PHF10: variants seen among roughly 807,000 people sequenced by gnomAD.
The protein encoded by PHF10 is PHD finger protein 10.
Under a neutral mutation model 68.5 loss-of-function variants are expected in PHF10, and 51 were observed. The ratio of observed to expected loss-of-function variants is 0.74; its 90% confidence interval spans 0.59 to 0.94. PHF10 has a LOEUF of 0.94. Among genes scored for constraint, PHF10 ranks in the 40% least tolerant of loss-of-function variants. PHF10 has a pLI of 0.00. For missense variants in PHF10, 460 were observed against 602.6 expected (o/e 0.76, Z 2.48); for synonymous variants, 204 against 203.5 (o/e 1.00, Z -0.02).
At chr6:169,713,815 T>TA (rs1356941013) in intron 7 of PHF10, among the ~76,000 whole-genome samples, 7 of 152,226 alleles carry the variant, frequency 4.6e-5, no homozygotes, top group African/African-American at 1.7e-4. Flanking sequence ...AAGGTTGAAG[T>TA]AAAAGCTGAG....
intron 2 of PHF10, 71 bp downstream of exon 2, chr6:169,720,934 G>A (rs1789161347): frequency 1.3e-6 from 1 of 755,630 alleles, no homozygotes; most frequent in Non-Finnish European, 2.3e-6. Context: ...AGAGCTGGGG[G>A]AAAGGGAAGA....
chr6:169,706,881 G>A (rs542816757), intron 9 of PHF10: 23 of 152,078 alleles, frequency 1.5e-4, no homozygotes, highest in African/African-American at 5.1e-4. Context: ...CTGAACCAAA[G>A]AGGAACCTAA....
At chr6:169,708,327 C>T (rs1305927135) in intron 9 of PHF10, 1 of 152,062 alleles carries the variant, frequency 6.6e-6, no homozygotes, top group African/African-American at 2.4e-5. Context: ...GTAACCTAAA[C>T]AATACTGTTC....
intron 2 of PHF10, among the ~76,000 whole-genome samples, chr6:169,720,513 G>C (rs1445901405): frequency 6.6e-6 from 1 of 152,144 alleles, no homozygotes; most frequent in Non-Finnish European, 1.5e-5. Flanking sequence ...GATGAACCTT[G>C]AAGATATTCA....
At chr6:169,704,906 A>G (rs1788722728) in intron 11 of PHF10, 4 of 402,390 alleles carry the variant, frequency 9.9e-6, no homozygotes, top group African/African-American at 2.1e-5. Context: ...ATAGAACTAT[A>G]CTTCCAAAAC....
rs1789161647 is a variant in PHF10, at chr6:169,720,948, T to C, written c.194+57A>G. 3.5e-6 allele frequency: 3 copies of C among 861,800 alleles called. No homozygotes were observed. In the African/African-American group the frequency reaches 5.0e-5, roughly 14 times the overall value. 53.4% of individuals were successfully genotyped at this position (861,800 alleles called of 1,614,324 possible). Reference sequence around the variant, plus strand: ...CAGAGCTGGGGGAAAGGGAAGAGGATGTTAAGGCAAAGAGGAACATCACAA... The same window carrying C: ...CAGAGCTGGGGGAAAGGGAAGAGGACGTTAAGGCAAAGAGGAACATCACAA... On this transcript the variant is annotated intron_variant, in intron 2 of 11. Coordinates refer to ENST00000339209, the MANE Select transcript of PHF10 (RefSeq NM_018288.4).
Position 169,721,084 on chromosome 6 carries a change from C to T in PHF10, c.115G>A (p.Gly39Arg). 6.5e-7 allele frequency: 1 copy of T among 1,540,814 alleles called. No homozygotes were observed. Among genetic ancestry groups the T allele is most frequent in the Non-Finnish European group, 8.8e-7 (1 of 1,138,850 alleles). The change falls in exon 2 of 12, where the codon GGG (glycine) becomes AGG (arginine). Residue 39 changes from glycine to arginine, a missense_variant. Around this residue, in one of 3 missense-constraint regions of PHF10, gnomAD observed 93 missense variants for 82.4 expected, o/e 1.13. Coordinates refer to ENST00000339209, the MANE Select transcript of PHF10 (RefSeq NM_018288.4). The part of the protein sequence containing the change: ...KDDNEDNSND[G>R]TQPSKRRRMG... ...CGCCTCCTTTTGGATGGCTGGGTCC[C>T]ATCATTTGAATTATCTTCATTATCA...
At position 169,723,831 on chromosome 6, in the gene PHF10, G is replaced by A. The variant is rs1046178104; in HGVS notation, c.87+14C>T. Reference sequence around the variant, plus strand: ...GACGGGGTCAGGGTCGGGTCGCACCGGCCGCTTCCTCACCTTCGGGGACTG... The same window carrying A: ...GACGGGGTCAGGGTCGGGTCGCACCAGCCGCTTCCTCACCTTCGGGGACTG... On this transcript the variant is annotated intron_variant, in intron 1 of 11. Transcript: ENST00000339209. The A allele has an allele frequency of 8.7e-5, 87 of 998,990 alleles. No homozygotes were observed. Among genetic ancestry groups the A allele is most frequent in the Admixed American group, 5.0e-5 (1 of 19,862 alleles). The allele number at this position is 998,990 out of a possible 1,614,324, so 61.9% of individuals were successfully genotyped here. A position where few individuals can be genotyped will look rare whatever the true frequency, so the allele number is the denominator to read the frequency against.
chr6:169,716,781 T>C (rs1017834688), intron 4 of PHF10, among the ~76,000 whole-genome samples: 2 of 152,154 alleles, frequency 1.3e-5, no homozygotes, highest in African/African-American at 2.4e-5. Flanking sequence ...TTCACAGACA[T>C]GATCACAGCA....
intron 8 of PHF10, among the ~76,000 whole-genome samples, chr6:169,710,593 G>A (rs1243525056): frequency 6.6e-6 from 1 of 152,098 alleles, no homozygotes; most frequent in African/African-American, 2.4e-5. Flanking sequence ...CTTCTTCTAA[G>A]TATATTATAT....
intron 8 of PHF10, among the ~76,000 whole-genome samples, chr6:169,711,192 TCA>T: frequency 6.6e-6 from 1 of 152,264 alleles, no homozygotes; most frequent in Non-Finnish European, 1.5e-5. Flanking sequence ...CATTGTGCCC[TCA>T]TTTTTTAAAA....
intron 2 of PHF10, 121 bp from the exon 3 acceptor site, chr6:169,719,039 C>A: frequency 1.6e-6 from 1 of 636,614 alleles, no homozygotes; most frequent in Non-Finnish European, 2.7e-6. Flanking sequence ...TATGACTTGA[C>A]TTCCTGTGTA....
Position 169,721,909 on chromosome 6 carries a change from T to C in PHF10, c.88-798A>G, listed in dbSNP as rs1789188077. Among the ~76,000 whole-genome samples, 3 of 152,340 alleles carry C rather than the reference T, an allele frequency of 2.0e-5. No individual in the cohort carries two copies. The South Asian group carries it at 6.2e-4, about 32-fold the overall frequency. ...ATAGTCCTCTTGCTACATATTAAAA[T>C]GAAAGCAATCCTGCAAAAGAATATA... On this transcript the variant is annotated intron_variant, in intron 1 of 11. Transcript: ENST00000339209.
At chr6:169,722,239 G>C (rs986278633) in intron 1 of PHF10, among the ~76,000 whole-genome samples, 1 of 152,148 alleles carries the variant, frequency 6.6e-6, no homozygotes, top group African/African-American at 2.4e-5. Context: ...TTTCCAAATA[G>C]TAAAATATAT....
intron 6 of PHF10, among the ~76,000 whole-genome samples, chr6:169,715,184 A>G (rs1789016710): frequency 1.3e-5 from 2 of 152,104 alleles, no homozygotes; most frequent in East Asian, 1.9e-4. Flanking sequence ...GAGAATTAAC[A>G]TGCAAATCTC....
intron 10 of PHF10, 23 bp downstream of exon 10, chr6:169,705,593 T>A (rs1562983861): frequency 2.5e-6 from 3 of 1,185,290 alleles, no homozygotes; most frequent in South Asian, 1.2e-5. Context: ...GTTAAAATTT[T>A]AAAAAGACAT....
At chr6:169,709,064 A>T in intron 9 of PHF10, 1 of 152,116 alleles carries the variant, frequency 6.6e-6, no homozygotes, top group African/African-American at 2.4e-5. Flanking sequence ...TTTGCTTGCT[A>T]TAGGCTACAA....
rs780408412 is a variant in PHF10, at chr6:169,704,059, C to G, written c.1441G>C (p.Ala481Pro). 6 of 1,582,434 alleles carry G rather than the reference C, an allele frequency of 3.8e-6. No individual in the cohort carries two copies. The highest frequency in any genetic ancestry group is 2.0e-5 in the Admixed American group (1 of 49,638). The stretch of plus-strand genomic sequence containing the variant: ...CCCACTTTCCTGGGTGTTGGGGGGG[C>G]CCGCTGACAACAGTCACAAATCCAG... ...GRWICDCCQR[A>P]PPTPRKVGRR... Residue 481 changes from alanine (A) to proline (P), a missense_variant, in exon 12 of 12, where the codon GCC (alanine) becomes CCC (proline). Transcript: ENST00000339209.
chr6:169,704,125 T>C (rs1053549804), intron 11 of PHF10, 37 bp from the exon 12 acceptor site: 4 of 1,488,848 alleles, frequency 2.7e-6, no homozygotes, highest in Non-Finnish European at 3.6e-6. Context: ...TGAAAAATTA[T>C]CTTTACAGGA....
Sources: allele counts gnomAD v4.1 joint callset (sites outside exome capture counted in the v4.1 genomes callset), GRCh38; gene constraint gnomAD v4.1.1; regional missense constraint gnomAD v4.1.1; transcripts MANE v1.5; gene names NCBI Gene and HGNC (gene_info 2026-07-23, HGNC 2026-07-21).